SLC4A8: variants seen among roughly 807,000 people sequenced by gnomAD.
The protein encoded by SLC4A8 is electroneutral sodium bicarbonate exchanger 1.
Under a neutral mutation model 125.0 loss-of-function variants are expected in SLC4A8, and 40 were observed. The ratio of observed to expected loss-of-function variants is 0.32; its 90% CI spans 0.25 to 0.42. The LOEUF (loss-of-function observed/expected upper bound fraction) is 0.42, where lower values mean the gene tolerates loss of function less well. SLC4A8 is among the 10% of genes least tolerant of loss of function. SLC4A8 has a pLI of 1.00. For synonymous variants in SLC4A8, 456 were observed against 476.0 expected (o/e 0.96, Z 0.55); for missense variants, 863 against 1,355.1 (o/e 0.64, Z 5.70).
At chr12:51,485,362 A>G (rs925235830) in intron 16 of SLC4A8, among the ~76,000 whole-genome samples, 4 of 152,072 alleles carry the variant, frequency 2.6e-5, no homozygotes, top group Non-Finnish European at 5.9e-5. Context: ...CAGACTCGGG[A>G]TATGTTCTGA....
At chr12:51,442,919 G>A (rs978918599) in intron 2 of SLC4A8, among the ~76,000 whole-genome samples, 2 of 152,052 alleles carry the variant, frequency 1.3e-5, no homozygotes, top group African/African-American at 4.8e-5. Flanking sequence ...CCATTTTGAT[G>A]GAACACAGAA....
upstream of SLC4A8, among the ~76,000 whole-genome samples, chr12:51,424,145 CTCTTTTCTTATAAATCCA>C (rs1316259555): frequency 6.6e-6 from 1 of 150,824 alleles, no homozygotes; most frequent in African/African-American, 2.4e-5. Context: ...TAGCCAGCCT[CTCTTTTCTTATAAATCCA>C]AATCAAATTT....
At position 51,452,108 on chromosome 12, in the gene SLC4A8, T is replaced by G; in HGVS notation, c.278-16T>G. On this transcript the variant is annotated splice_polypyrimidine_tract_variant and intron_variant, in intron 3 of 24. Coordinates refer to ENST00000453097, the MANE Select transcript of SLC4A8 (RefSeq NM_001039960.3). ...GTGAGGCTAGAGCAGACCTTTCTCTTTGGTTGATTTCCTAGACACACCATC... is the reference window on the plus strand; with the variant it reads ...GTGAGGCTAGAGCAGACCTTTCTCTGTGGTTGATTTCCTAGACACACCATC... The G allele has an allele frequency of 6.2e-7, 1 of 1,614,072 alleles. No homozygotes were observed. The highest frequency in any genetic ancestry group is 1.3e-5 in the African/African-American group (1 of 75,052).
chr12:51,449,000 A>G (rs1485743302), intron 2 of SLC4A8, among the ~76,000 whole-genome samples: 1 of 152,038 alleles, frequency 6.6e-6, no homozygotes, highest in Non-Finnish European at 1.5e-5. Flanking sequence ...TGGAAAGGAG[A>G]GACTGAGGAT....
At chr12:51,403,902 A>G (rs909716265) in intron 1 of SLC4A8, among the ~76,000 whole-genome samples, 1 of 152,376 alleles carries the variant, frequency 6.6e-6, no homozygotes, top group Non-Finnish European at 1.5e-5. Context: ...AAAGCTATAC[A>G]TTAGGATGCT....
At chr12:51,484,181 T>G (rs1330061254) in intron 16 of SLC4A8, among the ~76,000 whole-genome samples, 1 of 152,188 alleles carries the variant, frequency 6.6e-6, no homozygotes, top group Non-Finnish European at 1.5e-5. Flanking sequence ...ATTCTTAGAC[T>G]TCAGTGAGCC....
intron 11 of SLC4A8, chr12:51,466,510 C>T (rs980394951): frequency 4.8e-5 from 7 of 146,946 alleles, no homozygotes; most frequent in South Asian, 2.2e-4. Flanking sequence ...ACCCTCTACG[C>T]GGGTAAGTCC....
At position 51,403,461 on chromosome 12, in the gene SLC4A8, C is replaced by T. The variant is rs898118432; in HGVS notation, c.-112+11973C>T. On this transcript the variant is annotated intron_variant, in intron 1 of 24. Coordinates refer to the SLC4A8 transcript ENST00000358657. ...GCTTGGATCCTGCTCAAAGTTCTTT[C>T]GTTTTAGGTTTACTCCCAAAGCAGC... is the stretch of plus-strand genomic sequence containing the variant. Among the ~76,000 whole-genome samples, 10 of 152,256 alleles carry T rather than the reference C, an allele frequency of 6.6e-5. No homozygotes were observed. The Middle Eastern group carries it at 0.014, about 207-fold the overall frequency.
At chr12:51,445,103 C>G (rs896500649) in intron 2 of SLC4A8, among the ~76,000 whole-genome samples, 2 of 152,320 alleles carry the variant, frequency 1.3e-5, no homozygotes, top group South Asian at 4.1e-4. Flanking sequence ...CCAGCTCTAT[C>G]TAGCTGTACT....
intron 4 of SLC4A8, among the ~76,000 whole-genome samples, chr12:51,453,256 A>G (rs1565787027): frequency 6.6e-6 from 1 of 152,216 alleles, no homozygotes; most frequent in Non-Finnish European, 1.5e-5. Context: ...TAATTCCACA[A>G]CTGCAGGGTT....
intron 1 of SLC4A8, among the ~76,000 whole-genome samples, chr12:51,396,371 CTA>C (rs1948262158): frequency 6.6e-6 from 1 of 152,108 alleles, no homozygotes; most frequent in African/African-American, 2.4e-5. Context: ...GTAAAAATGA[CTA>C]TGAAGGAGCA....
chr12:51,503,985 G>C (rs1286166423), intron 22 of SLC4A8, 44 bp from the exon 23 acceptor site: 1 of 1,091,502 alleles, frequency 9.2e-7, no homozygotes, highest in South Asian at 1.4e-5. Flanking sequence ...TGAACTTATG[G>C]TCTTACTTGG....
intron 19 of SLC4A8, among the ~76,000 whole-genome samples, chr12:51,492,039 A>G (rs1179137042): frequency 6.6e-6 from 1 of 152,228 alleles, no homozygotes; most frequent in Admixed American, 6.5e-5. Context: ...GCGAAGCAAG[A>G]TGGAAAAATG....
intron 7 of SLC4A8, among the ~76,000 whole-genome samples, chr12:51,459,035 T>G (rs1168515489): frequency 3.3e-5 from 5 of 152,254 alleles, no homozygotes; most frequent in African/African-American, 1.2e-4. Flanking sequence ...CTCCTAAAAC[T>G]AACTCTTGGT....
At chr12:51,410,819 C>G (rs528902127) in intron 1 of SLC4A8, among the ~76,000 whole-genome samples, 1 of 151,656 alleles carries the variant, frequency 6.6e-6, no homozygotes, top group Admixed American at 6.6e-5. Context: ...TTCCCACACT[C>G]CATGGTTTGG....
chr12:51,402,935 A>G (rs1453861598), intron 1 of SLC4A8: 2 of 306,098 alleles, frequency 6.5e-6, no homozygotes, highest in Non-Finnish European at 1.3e-5. Context: ...ATGTCTCAGT[A>G]TGGGACTGGG....
At chr12:51,425,296 C>G (rs774692601) in intron 1 of SLC4A8, 164 of 1,290,170 alleles carry the variant, frequency 1.3e-4, no homozygotes, top group Non-Finnish European at 1.5e-4. Context: ...GGAGCCCTGA[C>G]AGCCGGCGGG....
At chr12:51,429,147 G>A (rs1349379745) in intron 1 of SLC4A8, among the ~76,000 whole-genome samples, 3 of 152,004 alleles carry the variant, frequency 2.0e-5, no homozygotes, top group Non-Finnish European at 4.4e-5. Context: ...CCTGACTTCA[G>A]GTGATCCACC....
At chr12:51,397,544 A>G (rs142099363) in intron 1 of SLC4A8, among the ~76,000 whole-genome samples, 2,089 of 152,300 alleles carry the variant, frequency 0.014, 51 homozygotes, top group African/African-American at 0.047. Flanking sequence ...TGATCCAAAT[A>G]TCACATTTTC....
Sources: allele counts gnomAD v4.1 joint callset (sites outside exome capture counted in the v4.1 genomes callset), GRCh38; gene constraint gnomAD v4.1.1; transcripts MANE v1.5; gene names NCBI Gene and HGNC (gene_info 2026-07-23, HGNC 2026-07-21).